The following PITPNB variants were observed in gnomAD, a reference collection of about 807,000 sequenced individuals.
PITPNB encodes the protein phosphatidylinositol transfer protein beta.
PITPNB carries 16 observed loss-of-function variants against 45.9 expected under a neutral mutation model. The observed-to-expected ratio is 0.35, with a 90% CI of 0.24 to 0.53. The LOEUF is 0.53. Among genes scored for constraint, PITPNB ranks in the 20% least tolerant of loss-of-function variants. The pLI, the probability that PITPNB is intolerant of heterozygous loss-of-function variation, is 0.93. For missense variants in PITPNB, 188 were observed against 330.5 expected (o/e 0.57, Z 3.34); for synonymous variants, 112 against 108.9 (o/e 1.03, Z -0.18).
At chr22:27,879,940 T>C (rs1217997130) in intron 7 of PITPNB, among the ~76,000 whole-genome samples, 1 of 152,152 alleles carries the variant, frequency 6.6e-6, no homozygotes, top group Non-Finnish European at 1.5e-5. Context: ...TTAACAAATA[T>C]TCAACATGAA....
intron 8 of PITPNB, among the ~76,000 whole-genome samples, chr22:27,872,091 T>G (rs1049301581): frequency 6.1e-4 from 81 of 133,738 alleles, no homozygotes; most frequent in Middle Eastern, 3.2e-3. Flanking sequence ...GTTTTTTTTT[T>G]TTTTTTTTTT....
rs1200125912 is a variant in PITPNB, at chr22:27,894,537, T to G, written c.456+18A>C. 1.6e-6 allele frequency: 2 copies of G among 1,269,212 alleles called. No homozygotes were observed. The highest frequency in any genetic ancestry group is 2.3e-6 in the Non-Finnish European group (2 of 868,568). The allele number at this position is 1,269,212 out of a possible 1,614,324, so 78.6% of individuals were successfully genotyped here. ...ACTGTAAAAGGGAACAGATTAAATG[T>G]CATTGAGTAATACTTACTGCTGGTT... On this transcript the variant is annotated intron_variant, in intron 7 of 11. Coordinates refer to ENST00000335272, the MANE Select transcript of PITPNB (RefSeq NM_012399.5).
chr22:27,917,035 C>T (rs1021943851), intron 1 of PITPNB, among the ~76,000 whole-genome samples: 1 of 152,108 alleles, frequency 6.6e-6, no homozygotes, highest in East Asian at 1.9e-4. Context: ...TAAGAAACAG[C>T]TTCTACCTTC....
chr22:27,889,197 T>C (rs1008416078), intron 7 of PITPNB, among the ~76,000 whole-genome samples: 1 of 152,084 alleles, frequency 6.6e-6, no homozygotes, highest in Non-Finnish European at 1.5e-5. Flanking sequence ...AAGAAACTCT[T>C]AGGATTATGT....
intron 7 of PITPNB, among the ~76,000 whole-genome samples, chr22:27,893,201 C>G (rs1171944256): frequency 3.3e-5 from 5 of 152,044 alleles, no homozygotes; most frequent in African/African-American, 1.2e-4. Context: ...CTGTGTAAAA[C>G]CAAAGCAGCA....
intron 2 of PITPNB, among the ~76,000 whole-genome samples, chr22:27,913,188 T>C (rs749935003): frequency 1.1e-4 from 17 of 152,166 alleles, no homozygotes; most frequent in Non-Finnish European, 2.2e-4. Context: ...ACAGGGTGCC[T>C]AGCTTCTCTG....
intron 3 of PITPNB, among the ~76,000 whole-genome samples, chr22:27,900,497 C>T (rs1935562708): frequency 6.6e-6 from 1 of 152,066 alleles, no homozygotes; most frequent in African/African-American, 2.4e-5. Flanking sequence ...ATGTGAATTC[C>T]AGCAATTCAT....
intron 8 of PITPNB, among the ~76,000 whole-genome samples, chr22:27,867,739 C>A (rs1477863345): frequency 6.6e-6 from 1 of 152,224 alleles, no homozygotes; most frequent in African/African-American, 2.4e-5. Context: ...GAAGCTCACA[C>A]TGCCAAATTA....
chr22:27,892,405 T>C (rs1935306070), intron 7 of PITPNB, among the ~76,000 whole-genome samples: 2 of 152,236 alleles, frequency 1.3e-5, no homozygotes, highest in African/African-American at 2.4e-5. Flanking sequence ...GTGAACAACG[T>C]AGACTGCAAA....
At chr22:27,900,303 T>C (rs539046705) in intron 3 of PITPNB, among the ~76,000 whole-genome samples, 3 of 152,262 alleles carry the variant, frequency 2.0e-5, no homozygotes, top group East Asian at 1.9e-4. Flanking sequence ...TTTATTCCTA[T>C]AGTGCCTGAT....
intron 7 of PITPNB, chr22:27,894,157 G>A (rs1935369487): frequency 1.3e-5 from 2 of 156,204 alleles, no homozygotes; most frequent in African/African-American, 4.8e-5. Flanking sequence ...AACTGTAGCT[G>A]AGTTACTAAA....
At chr22:27,866,779 A>T (rs1934497938) in intron 8 of PITPNB, among the ~76,000 whole-genome samples, 1 of 152,206 alleles carries the variant, frequency 6.6e-6, no homozygotes. Flanking sequence ...ATTTTAGGCA[A>T]TGTGAATGCT....
At chr22:27,877,568 T>TA (rs1422176685) in intron 7 of PITPNB, among the ~76,000 whole-genome samples, 2 of 152,238 alleles carry the variant, frequency 1.3e-5, no homozygotes, top group African/African-American at 4.8e-5. Flanking sequence ...GTACATCTGT[T>TA]ACTACAGATC....
rs1188586982 is a variant in PITPNB, at chr22:27,912,528, G to C, written c.52-1419C>G. On this transcript the variant is annotated intron_variant, in intron 2 of 11. Transcript: ENST00000335272. ...AAAAGATAAATTTCATTTTGGTCAG[G>C]AACACACAATAACAATATTCAAATG... Among the ~76,000 whole-genome samples the C allele has an allele frequency of 2.0e-5, 3 of 151,624 alleles. No individual in the cohort carries two copies. The South Asian group carries it at 6.2e-4, about 32-fold the overall frequency.
intron 8 of PITPNB, among the ~76,000 whole-genome samples, chr22:27,871,063 A>G (rs1020990622): frequency 6.6e-6 from 1 of 152,258 alleles, no homozygotes; most frequent in South Asian, 2.1e-4. Flanking sequence ...GAAAATGGAA[A>G]AAAACTGCAG....
At chr22:27,894,186 A>C (rs1935370286) in intron 7 of PITPNB, 1 of 162,080 alleles carries the variant, frequency 6.2e-6, no homozygotes, top group South Asian at 1.9e-4. Flanking sequence ...TGCAAATTAA[A>C]TTTTTGCTTT....
At chr22:27,914,372 A>G (rs1266498891) in intron 1 of PITPNB, 25 bp from the exon 2 acceptor site, 7 of 1,417,432 alleles carry the variant, frequency 4.9e-6, no homozygotes, top group Non-Finnish European at 6.9e-6. Flanking sequence ...GAAAAAATAT[A>G]TATATTACAT....
intron 1 of PITPNB, among the ~76,000 whole-genome samples, chr22:27,918,796 C>A (rs1936171413): frequency 6.6e-6 from 1 of 152,222 alleles, no homozygotes; most frequent in South Asian, 2.1e-4. Context: ...GTGTCTCTCC[C>A]ACCCTCGGAC....
intron 3 of PITPNB, among the ~76,000 whole-genome samples, chr22:27,901,799 G>T (rs1935602494): frequency 6.6e-6 from 1 of 152,170 alleles, no homozygotes; most frequent in African/African-American, 2.4e-5. Flanking sequence ...CAGGAGAGTC[G>T]CTTGACTCAG....
Sources: gnomAD v4.1 joint callset for allele counts (sites outside exome capture counted in the v4.1 genomes callset) on GRCh38, gnomAD v4.1.1 for gene constraint, MANE v1.5 for transcripts, NCBI Gene and HGNC (gene_info 2026-07-23, HGNC 2026-07-21) for gene names.